The following SCFD2 variants were observed in gnomAD, a reference collection of about 807,000 sequenced individuals.
The protein encoded by SCFD2 is sec1 family domain containing 2.
Under a neutral mutation model 58.9 loss-of-function variants are expected in SCFD2, and 54 were observed. The observed-to-expected ratio is 0.92, with a 90% CI of 0.74 to 1.15. SCFD2 has a LOEUF of 1.15. Among genes scored for constraint, SCFD2 ranks in the 50% most tolerant of loss-of-function variants. The pLI is 0.00. For synonymous variants in SCFD2, 321 were observed against 335.9 expected (o/e 0.96, Z 0.49); for missense variants, 805 against 836.6 (o/e 0.96, Z 0.47).
intron 5 of SCFD2, among the ~76,000 whole-genome samples, chr4:52,997,771 C>T (rs142850963): frequency 6.6e-6 from 1 of 152,156 alleles, no homozygotes; most frequent in Non-Finnish European, 1.5e-5. Context: ...TAGGGCCAAA[C>T]CCCAACTATT....
chr4:53,166,012 G>A (rs1278898405), intron 4 of SCFD2, among the ~76,000 whole-genome samples: 1 of 152,186 alleles, frequency 6.6e-6, no homozygotes, highest in Non-Finnish European at 1.5e-5. Context: ...CCACATATAA[G>A]TGGTAACATA....
intron 2 of SCFD2, among the ~76,000 whole-genome samples, chr4:53,351,901 T>G (rs1157391025): frequency 6.6e-6 from 1 of 152,204 alleles, no homozygotes. Flanking sequence ...AAAGATCCTG[T>G]TTTATTTAAA....
chr4:52,895,925 T>C (rs1718996468), intron 7 of SCFD2, among the ~76,000 whole-genome samples: 1 of 152,228 alleles, frequency 6.6e-6, no homozygotes, highest in African/African-American at 2.4e-5. Flanking sequence ...GTGATGAGCA[T>C]TTTTTCATGT....
At chr4:52,892,885 C>T (rs915067134) in intron 7 of SCFD2, among the ~76,000 whole-genome samples, 2 of 152,212 alleles carry the variant, frequency 1.3e-5, no homozygotes, top group African/African-American at 2.4e-5. Context: ...AGATGCAATA[C>T]GCAGACTGCC....
chr4:53,155,427 A>C (rs1305113171), intron 4 of SCFD2, among the ~76,000 whole-genome samples: 3 of 152,210 alleles, frequency 2.0e-5, no homozygotes, highest in Non-Finnish European at 1.5e-5. Context: ...ACCAAACGCC[A>C]GCACCTTGAT....
intron 4 of SCFD2, among the ~76,000 whole-genome samples, chr4:53,211,990 A>C (rs1474217309): frequency 6.6e-6 from 1 of 152,072 alleles, no homozygotes; most frequent in Non-Finnish European, 1.5e-5. Context: ...TTTTAGGCTT[A>C]ACAAGGCTAA....
intron 3 of SCFD2, among the ~76,000 whole-genome samples, chr4:53,278,514 G>C (rs1731405744): frequency 6.6e-6 from 1 of 151,010 alleles, no homozygotes; most frequent in Non-Finnish European, 1.5e-5. Context: ...GGGCGACAGA[G>C]TGAGACTCCA....
At chr4:53,336,128 T>C (rs183000152) in intron 2 of SCFD2, among the ~76,000 whole-genome samples, 1 of 152,320 alleles carries the variant, frequency 6.6e-6, no homozygotes, top group African/African-American at 2.4e-5. Flanking sequence ...TAGGGTAATA[T>C]AGTCATGGAC....
intron 4 of SCFD2, among the ~76,000 whole-genome samples, chr4:53,201,547 G>A (rs951660637): frequency 1.3e-5 from 2 of 152,028 alleles, no homozygotes; most frequent in African/African-American, 2.4e-5. Flanking sequence ...CCCAGTAATG[G>A]GATGGCTGGG....
chr4:53,279,554 G>A (rs942939658), intron 3 of SCFD2, among the ~76,000 whole-genome samples: 1 of 152,136 alleles, frequency 6.6e-6, no homozygotes, highest in African/African-American at 2.4e-5. Context: ...TGGGTAAAAG[G>A]TTACAGATTT....
intron 4 of SCFD2, among the ~76,000 whole-genome samples, chr4:53,189,279 A>G (rs1048476729): frequency 6.6e-6 from 1 of 152,196 alleles, no homozygotes; most frequent in African/African-American, 2.4e-5. Flanking sequence ...CTGATAAACT[A>G]TTTTTAAAAG....
chr4:53,026,371 T>C (rs1722474516), intron 5 of SCFD2, among the ~76,000 whole-genome samples: 1 of 152,230 alleles, frequency 6.6e-6, no homozygotes, highest in South Asian at 2.1e-4. Flanking sequence ...TTCCGACGCC[T>C]AGCACAATGC....
intron 1 of SCFD2, among the ~76,000 whole-genome samples, chr4:53,358,884 A>G (rs1334858087): frequency 6.6e-6 from 1 of 152,232 alleles, no homozygotes; most frequent in East Asian, 1.9e-4. Context: ...GGACATGGTC[A>G]AAGTAAGCCA....
At chr4:53,207,959 CTTT>C (rs137857188) in intron 4 of SCFD2, among the ~76,000 whole-genome samples, 1 of 144,966 alleles carries the variant, frequency 6.9e-6, no homozygotes. Context: ...CTTTTCTTTT[CTTT>C]TTTTTTTTCC....
chr4:53,085,228 C>A (rs992801912), intron 5 of SCFD2, among the ~76,000 whole-genome samples: 5 of 152,038 alleles, frequency 3.3e-5, no homozygotes, highest in African/African-American at 1.2e-4. Flanking sequence ...AGTATTATTT[C>A]TATATATCAA....
chr4:53,330,112 C>T (rs1202392639), intron 2 of SCFD2, among the ~76,000 whole-genome samples: 7 of 152,220 alleles, frequency 4.6e-5, no homozygotes, highest in East Asian at 1.9e-4. Flanking sequence ...ACCAAATCTA[C>T]GTCTGATTGC....
chr4:53,123,191 C>G (rs1380079966), intron 5 of SCFD2, among the ~76,000 whole-genome samples: 4 of 152,112 alleles, frequency 2.6e-5, no homozygotes, highest in African/African-American at 9.7e-5. Flanking sequence ...TTCTGTCCCC[C>G]CATTTCCACC....
intron 7 of SCFD2, among the ~76,000 whole-genome samples, chr4:52,900,460 T>C (rs1418644821): frequency 6.6e-6 from 1 of 152,194 alleles, no homozygotes; most frequent in Non-Finnish European, 1.5e-5. Flanking sequence ...ACAGTGGATA[T>C]TGGTGAACCG....
At chr4:52,978,617 T>C (rs1469247920) in intron 5 of SCFD2, among the ~76,000 whole-genome samples, 1 of 152,108 alleles carries the variant, frequency 6.6e-6, no homozygotes, top group Non-Finnish European at 1.5e-5. Flanking sequence ...TTCCTAAATA[T>C]TGGATGTTCA....
Sources: allele counts gnomAD v4.1 joint callset (sites outside exome capture counted in the v4.1 genomes callset), GRCh38; gene constraint gnomAD v4.1.1; transcripts MANE v1.5; gene names NCBI Gene and HGNC (gene_info 2026-07-23, HGNC 2026-07-21).